The following CELSR1 variants were observed in gnomAD, a reference collection of about 807,000 sequenced individuals.
CELSR1 encodes the protein cadherin EGF LAG seven-pass G-type receptor 1.
In CELSR1, 110 loss-of-function variants were observed where a neutral mutation model predicts 249.1. That is an observed-to-expected ratio of 0.44 (90% CI 0.38 to 0.52). CELSR1 has a LOEUF of 0.52. Among genes scored for constraint, CELSR1 ranks in the 20% least tolerant of loss-of-function variants. CELSR1 has a pLI of 0.00. For missense variants in CELSR1, 4,109 were observed against 4,296.4 expected, an observed-to-expected ratio of 0.96 and a Z score of 1.22; for synonymous variants, 2,113 against 1,900.0, an observed-to-expected ratio of 1.11 and a Z score of -2.92.
At chr22:46,404,631 A>C (rs933667049) in intron 9 of CELSR1, among the ~76,000 whole-genome samples, 6 of 152,030 alleles carry the variant, frequency 3.9e-5, no homozygotes, top group East Asian at 3.9e-4. Flanking sequence ...CACACACACA[A>C]AAAAACAGAT....
chr22:46,378,834 A>C, intron 22 of CELSR1, 117 bp from the exon 23 acceptor site: 1 of 1,339,238 alleles, frequency 7.5e-7, no homozygotes, highest in Non-Finnish European at 1.0e-6. Context: ...CAAACCAAAC[A>C]GCAGGTGCCG....
rs1390719277 is a variant in CELSR1, at chr22:46,399,688, C to T, written c.5412+29G>A. On this transcript the variant is annotated intron_variant, in intron 10 of 34. Transcript: ENST00000674500. This position sits in a 1 kb window ranked among gnomAD's most constrained non-coding sequence, Gnocchi z 5.0. ...TCCCTGGGCCGGAGGAAGGGTCTAT[C>T]CCCAGAGGAGGTGCAGGTGCCAGCT... is the stretch of plus-strand genomic sequence containing the variant. 1 of 1,609,026 alleles carries T rather than the reference C, an allele frequency of 6.2e-7. No individual in the cohort carries two copies. Among genetic ancestry groups the T allele is most frequent in the East Asian group, 2.2e-5 (1 of 44,856 alleles).
intron 2 of CELSR1, among the ~76,000 whole-genome samples, chr22:46,453,818 G>A (rs910653830): frequency 4.6e-5 from 7 of 152,194 alleles, no homozygotes; most frequent in African/African-American, 1.2e-4. Context: ...AGCGCCGATG[G>A]TGGGACCTGC....
intron 2 of CELSR1, among the ~76,000 whole-genome samples, chr22:46,460,195 A>G (rs1337346078): frequency 9.3e-6 from 1 of 107,930 alleles, no homozygotes; most frequent in Non-Finnish European, 2.0e-5. Context: ...ACACACACAC[A>G]CACACACACA....
At chr22:46,485,929 CTTTTTTT>C (rs77749125) in intron 1 of CELSR1, among the ~76,000 whole-genome samples, 27 of 104,780 alleles carry the variant, frequency 2.6e-4, no homozygotes, top group South Asian at 5.3e-4. Flanking sequence ...CTTTCAGGTA[CTTTTTTT>C]TTTTTTTTTT....
intron 1 of CELSR1, among the ~76,000 whole-genome samples, chr22:46,513,609 C>G (rs939150326): frequency 6.6e-6 from 1 of 152,090 alleles, no homozygotes. Flanking sequence ...GCCCTTATCT[C>G]GTGCACCAGG....
chr22:46,368,249 A>G (rs73448949), intron 27 of CELSR1, among the ~76,000 whole-genome samples: 11,718 of 152,112 alleles, frequency 0.077, 668 homozygotes, highest in African/African-American at 0.15. Flanking sequence ...CAGCTTCCTG[A>G]GCTCTGCCTC....
At position 46,401,478 on chromosome 22, in the gene CELSR1, T is replaced by A. The variant is rs73177079; in HGVS notation, c.5227-1576A>T. ...TCTGCAAAACAGCGTGGCGTGTGCT[T>A]CCCTGCAAGGCCGTCAGCTGGTTCT... On this transcript the variant is annotated intron_variant, in intron 9 of 34. Coordinates refer to ENST00000674500, the MANE Select transcript of CELSR1 (RefSeq NM_001378328.1). The surrounding 1 kb of genome is among the most constrained non-coding windows in gnomAD (Gnocchi z 4.7). Among the ~76,000 whole-genome samples the A allele has an allele frequency of 6.6e-6, 1 of 152,298 alleles. No individual in the cohort carries two copies. Among genetic ancestry groups the A allele is most frequent in the Non-Finnish European group, 1.5e-5 (1 of 68,030 alleles).
rs1440530479 is a variant in CELSR1, at chr22:46,512,028, C to G, written c.3544+21599G>C. On this transcript the variant is annotated intron_variant, in intron 1 of 34. Coordinates refer to ENST00000674500, the MANE Select transcript of CELSR1 (RefSeq NM_001378328.1). This position sits in a 1 kb window ranked among gnomAD's most constrained non-coding sequence, Gnocchi z 5.2. ...TGTCCTTCATGCTGCCTCCGAGAAA[C>G]GCAGCAAGTCATTCAGGTTCTGGGG... 6.6e-6 allele frequency among the ~76,000 whole-genome samples: 1 copy of G among 152,090 alleles called. No individual in the cohort carries two copies. Among genetic ancestry groups the G allele is most frequent in the Non-Finnish European group, 1.5e-5 (1 of 68,012 alleles).
At chr22:46,420,616 A>T (rs1418919603) in intron 5 of CELSR1, among the ~76,000 whole-genome samples, 1 of 149,872 alleles carries the variant, frequency 6.7e-6, no homozygotes, top group Non-Finnish European at 1.5e-5. Flanking sequence ...CAATATACTC[A>T]CCTGTACACA....
At position 46,535,951 on chromosome 22, in the gene CELSR1, C is replaced by G. The variant is rs577593165; in HGVS notation, c.1220G>C (p.Gly407Ala). The G allele has an allele frequency of 6.2e-7, 1 of 1,610,124 alleles. No individual in the cohort carries two copies. Among genetic ancestry groups the G allele is most frequent in the Admixed American group, 1.7e-5 (1 of 59,998 alleles). ...CAGCACCGCCCGTGTGCTCACCACGCCAGAGCTCTCGTTGAGCTGGAAGAC... is the reference window on the plus strand; with the variant it reads ...CAGCACCGCCCGTGTGCTCACCACGGCAGAGCTCTCGTTGAGCTGGAAGAC... ...WDVFQLNESS[G>A]VVSTRAVLDR... Residue 407 changes from glycine to alanine, a missense_variant, in exon 1 of 35, where the codon GGC becomes GCC. By Grantham distance (60) the Gly-to-Ala change is moderately conservative. Coordinates refer to ENST00000674500, the MANE Select transcript of CELSR1 (RefSeq NM_001378328.1).
rs79112040 is a variant in CELSR1 at position 46,474,788 on chromosome 22, C to T, written c.3545-10443G>A. 6.1e-3 allele frequency among the ~76,000 whole-genome samples: 551 copies of T among 89,634 alleles called. 3 individuals carry two copies. The highest frequency in any genetic ancestry group is 0.018 in the Middle Eastern group (2 of 112). The allele number at this position is 89,634 out of a possible 152,430, so 58.8% of individuals were successfully genotyped here. ...GTGACCATTATTCTACTCTCTACTT[C>T]TTTTTTTTTTTTTTTTTTGAGACGG... is the stretch of plus-strand genomic sequence containing the variant. On this transcript the variant is annotated intron_variant, in intron 1 of 34. Transcript: ENST00000674500.
Position 46,410,687 on chromosome 22 carries a change from CG to C in CELSR1, c.4770-127del. On this transcript the variant is annotated intron_variant, in intron 6 of 34. Transcript: ENST00000674500. The surrounding 1 kb of genome is among the most constrained non-coding windows in gnomAD (Gnocchi z 6.8). ...CTACTTCAGAAACCAAGCAGACAGG[CG>C]GGGAGAGGCCAAAGTCAGAGGGGGC... The C allele has an allele frequency of 1.1e-6, 1 of 921,510 alleles. No homozygotes were observed. The highest frequency in any genetic ancestry group is 1.6e-6 in the Non-Finnish European group (1 of 617,418). 57.1% of individuals were successfully genotyped at this position (921,510 alleles called of 1,614,324 possible). A position where few individuals can be genotyped will look rare whatever the true frequency, so the allele number is the denominator to read the frequency against.
intron 1 of CELSR1, among the ~76,000 whole-genome samples, chr22:46,510,869 C>G (rs180791488): frequency 2.1e-4 from 32 of 152,254 alleles, no homozygotes; most frequent in Non-Finnish European, 4.0e-4. Flanking sequence ...CCCACCAGCA[C>G]TTCAGGAGGC....
chr22:46,482,457 A>G (rs1441826308), intron 1 of CELSR1, among the ~76,000 whole-genome samples: 1 of 152,092 alleles, frequency 6.6e-6, no homozygotes, highest in Non-Finnish European at 1.5e-5. Context: ...AGCTCTTGCA[A>G]TCCTCAGGGG....
At chr22:46,489,571 G>A (rs1253622944) in intron 1 of CELSR1, among the ~76,000 whole-genome samples, 1 of 152,054 alleles carries the variant, frequency 6.6e-6, no homozygotes, top group African/African-American at 2.4e-5. Context: ...ACAGAGCTGG[G>A]TTTCTCTCAT....
chr22:46,367,138 G>A lies in CELSR1; in HGVS notation c.8080-20C>T, dbSNP rs748427999. Reference sequence around the variant, plus strand: ...GGGGCCCTGGAGGGAGGAAGGTGGGGTCAGCACCTGCTGCTGCCTCCCTAG... The same window carrying A: ...GGGGCCCTGGAGGGAGGAAGGTGGGATCAGCACCTGCTGCTGCCTCCCTAG... On this transcript the variant is annotated intron_variant, in intron 28 of 34. Transcript: ENST00000674500. The A allele has an allele frequency of 3.1e-6, 5 of 1,606,968 alleles. No homozygotes were observed. In the Admixed American group the frequency reaches 6.7e-5, roughly 22 times the overall value.
At position 46,408,714 on chromosome 22, in the gene CELSR1, C is replaced by A. The variant is rs148767941; in HGVS notation, c.5226+282G>T. Among the ~76,000 whole-genome samples, 267 of 152,344 alleles carry A rather than the reference C, an allele frequency of 1.8e-3. 1 individual carries two copies. The highest frequency in any genetic ancestry group is 0.01 in the Middle Eastern group (3 of 294). ...GCACCTCCCTCAGTTCTGCAATGCC[C>A]ACGCTCCAGCCAAACCCTCAGGCTA... On this transcript the variant is annotated intron_variant, in intron 9 of 34. Transcript: ENST00000674500. The surrounding 1 kb of genome is among the most constrained non-coding windows in gnomAD (Gnocchi z 4.6).
chr22:46,363,654 ATCC>A lies in CELSR1; in HGVS notation c.9035+339_9035+341del, dbSNP rs1440509703. 1 of 379,706 alleles carries A rather than the reference ATCC, an allele frequency of 2.6e-6. No individual in the cohort carries two copies. The highest frequency in any genetic ancestry group is 4.8e-6 in the Non-Finnish European group (1 of 209,662). 23.5% of individuals were successfully genotyped at this position (379,706 alleles called of 1,614,324 possible). On this transcript the variant is annotated intron_variant, in intron 34 of 34. Coordinates refer to ENST00000674500, the MANE Select transcript of CELSR1 (RefSeq NM_001378328.1). This position sits in a 1 kb window ranked among gnomAD's most constrained non-coding sequence, Gnocchi z 4.3. Reference sequence around the variant, plus strand: ...CCCCTGGCATTCCGGGACCCTCAGTATCCTCAACTGCAAGGTGGGTGGCAGTGG... The same window carrying A: ...CCCCTGGCATTCCGGGACCCTCAGTATCAACTGCAAGGTGGGTGGCAGTGG...
Sources: gnomAD v4.1 joint callset for allele counts (sites outside exome capture counted in the v4.1 genomes callset) on GRCh38, gnomAD v4.1.1 for gene constraint, Gnocchi (gnomAD v3.1) non-coding constraint, MANE v1.5 for transcripts, NCBI Gene and HGNC (gene_info 2026-07-23, HGNC 2026-07-21) for gene names.